Variants in CMSS1 observed in about 807,000 individuals in gnomAD.
CMSS1 encodes cms1 ribosomal small subunit homolog.
A neutral mutation model predicts 43.5 loss-of-function variants in CMSS1; 33 were observed. The observed-to-expected ratio is 0.76, with a 90% CI of 0.57 to 1.01. The LOEUF (loss-of-function observed/expected upper bound fraction) is 1.01. Ranked by LOEUF, CMSS1 falls within the 50% of genes least tolerant of loss-of-function variation. The pLI, the probability that CMSS1 is intolerant of heterozygous loss-of-function variation, is 0.00. For synonymous variants in CMSS1, 115 were observed against 117.2 expected (o/e 0.98, Z 0.12); for missense variants, 313 against 326.4 (o/e 0.96, Z 0.32).
intron 1 of CMSS1, among the ~76,000 whole-genome samples, chr3:99,906,250 G>C (rs566363686): frequency 6.6e-6 from 1 of 152,096 alleles, no homozygotes; most frequent in East Asian, 1.9e-4. Flanking sequence ...GTACTCCCTC[G>C]TTGTAAATTT....
intron 1 of CMSS1, among the ~76,000 whole-genome samples, chr3:99,966,972 G>T (rs570843833): frequency 1.3e-5 from 2 of 152,262 alleles, no homozygotes; most frequent in East Asian, 1.9e-4. Context: ...CTATACAGGT[G>T]GGGGATTGGA....
rs199523441 is a variant in CMSS1, at chr3:100,177,558, G to C, written c.757-747G>C. On this transcript the variant is annotated intron_variant, in intron 9 of 9. Transcript: ENST00000421999. Reference sequence around the variant, plus strand: ...ATACTGAACTATTGTATATAATCTTGTTTACAGAAAGCACACTGTGGAGTC... The same window carrying C: ...ATACTGAACTATTGTATATAATCTTCTTTACAGAAAGCACACTGTGGAGTC... Among the ~76,000 whole-genome samples the C allele has an allele frequency of 2.6e-5, 4 of 152,274 alleles. No homozygotes were observed. The East Asian group carries it at 7.7e-4, about 29-fold the overall frequency.
intron 1 of CMSS1, among the ~76,000 whole-genome samples, chr3:100,019,068 G>C (rs1225009522): frequency 2.0e-5 from 3 of 152,216 alleles, no homozygotes; most frequent in African/African-American, 7.2e-5. Context: ...GTGAGGAAGA[G>C]AGAACCCTTA....
At chr3:99,970,359 G>A (rs1459995715) in intron 1 of CMSS1, among the ~76,000 whole-genome samples, 1 of 152,184 alleles carries the variant, frequency 6.6e-6, no homozygotes, top group East Asian at 1.9e-4. Flanking sequence ...TGTGTGAGGT[G>A]GATGAGACCA....
chr3:99,921,506 A>G (rs1707123475), intron 1 of CMSS1, among the ~76,000 whole-genome samples: 2 of 152,210 alleles, frequency 1.3e-5, no homozygotes, highest in African/African-American at 2.4e-5. Context: ...GGGAAGTCAC[A>G]TATGCATCAA....
intron 1 of CMSS1, chr3:100,114,576 C>G (rs1215800410): frequency 5.4e-6 from 1 of 185,418 alleles, no homozygotes; most frequent in Non-Finnish European, 1.1e-5. Flanking sequence ...AGACACCACT[C>G]TTTGGCCAGC....
chr3:100,014,030 T>C (rs113684293), intron 1 of CMSS1, among the ~76,000 whole-genome samples: 1 of 152,006 alleles, frequency 6.6e-6, no homozygotes. Context: ...CTGCTATGAA[T>C]TTGATTTTTT....
intron 1 of CMSS1, among the ~76,000 whole-genome samples, chr3:99,938,581 A>C (rs529264147): frequency 1.3e-5 from 2 of 152,200 alleles, no homozygotes; most frequent in East Asian, 3.8e-4. Context: ...ATTTCCCCCT[A>C]TCTTTACACA....
At chr3:100,115,603 C>A (rs867385250) in intron 1 of CMSS1, among the ~76,000 whole-genome samples, 9 of 128,420 alleles carry the variant, frequency 7.0e-5, no homozygotes, top group Non-Finnish European at 1.1e-4. Context: ...CTCTCTCTCT[C>A]TCTCTCTCTC....
chr3:99,967,278 A>C (rs1708682338), intron 1 of CMSS1, among the ~76,000 whole-genome samples: 1 of 152,272 alleles, frequency 6.6e-6, no homozygotes, highest in African/African-American at 2.4e-5. Flanking sequence ...TACTTACCTC[A>C]TGAGGTTATT....
chr3:100,069,533 C>T (rs1442529938), intron 1 of CMSS1, among the ~76,000 whole-genome samples: 1 of 152,026 alleles, frequency 6.6e-6, no homozygotes, highest in Non-Finnish European at 1.5e-5. Flanking sequence ...ATTTCTGATA[C>T]GGCAGCCAAT....
chr3:100,046,885 C>T (rs997417246), intron 1 of CMSS1, among the ~76,000 whole-genome samples: 2 of 152,078 alleles, frequency 1.3e-5, no homozygotes, highest in African/African-American at 2.4e-5. Flanking sequence ...TTCCATGGTT[C>T]AGGACTACTG....
At chr3:99,925,142 C>T (rs977966342) in intron 1 of CMSS1, among the ~76,000 whole-genome samples, 1 of 152,162 alleles carries the variant, frequency 6.6e-6, no homozygotes, top group African/African-American at 2.4e-5. Flanking sequence ...TCTTGGATCG[C>T]TCTACCAGGA....
chr3:100,161,497 C>A (rs183770108), intron 3 of CMSS1, among the ~76,000 whole-genome samples: 1 of 151,978 alleles, frequency 6.6e-6, no homozygotes, highest in African/African-American at 2.4e-5. Context: ...AAGTTAATTT[C>A]TTTGACAGAG....
intron 1 of CMSS1, among the ~76,000 whole-genome samples, chr3:100,002,061 T>C (rs2107167959): frequency 6.6e-6 from 1 of 152,342 alleles, no homozygotes; most frequent in South Asian, 2.1e-4. Context: ...TGTGACTGTT[T>C]GCAGCTCTGG....
intron 1 of CMSS1, among the ~76,000 whole-genome samples, chr3:99,852,439 A>ATTTAT (rs944710834): frequency 2.0e-5 from 3 of 151,320 alleles, no homozygotes; most frequent in African/African-American, 4.9e-5. Context: ...AGAACTTTTT[A>ATTTAT]TTTATTTTAT....
rs144183260 is a variant in CMSS1, at chr3:99,925,015, T to G, written c.64+106972T>G. Among the ~76,000 whole-genome samples, 688 of 152,292 alleles carry G rather than the reference T, an allele frequency of 4.5e-3. 7 individuals are homozygous for G. The highest frequency in any genetic ancestry group is 0.016 in the African/African-American group (674 of 41,566). Reference sequence around the variant, plus strand: ...CTCTTATGTCTCTCTCCTGAGAAGCTACATTAAAGAAATGACAGGAAGTAA... The same window carrying G: ...CTCTTATGTCTCTCTCCTGAGAAGCGACATTAAAGAAATGACAGGAAGTAA... On this transcript the variant is annotated intron_variant, in intron 1 of 9. Transcript: ENST00000421999.
At chr3:99,852,188 A>G (rs1484642521) in intron 1 of CMSS1, among the ~76,000 whole-genome samples, 1 of 152,216 alleles carries the variant, frequency 6.6e-6, no homozygotes, top group Non-Finnish European at 1.5e-5. Context: ...GGCTGATTAT[A>G]GAGGATGTAA....
At position 99,975,596 on chromosome 3, in the gene CMSS1, A is replaced by T. The variant is rs1708946769; in HGVS notation, c.64+157553A>T. Among the ~76,000 whole-genome samples the T allele has an allele frequency of 7.2e-5, 11 of 152,180 alleles. No individual in the cohort carries two copies. The South Asian group carries it at 2.3e-3, about 32-fold the overall frequency. On this transcript the variant is annotated intron_variant, in intron 1 of 9. Transcript: ENST00000421999. ...ATGAGACTCCGTCTCAAAAAAAAAA[A>T]AAATTGATACTTCATGTGGAAATAA...
Sources: allele counts gnomAD v4.1 joint callset (sites outside exome capture counted in the v4.1 genomes callset), GRCh38; gene constraint gnomAD v4.1.1; transcripts MANE v1.5; gene names NCBI Gene and HGNC (gene_info 2026-07-23, HGNC 2026-07-21).